The following AZIN1 variants were observed in gnomAD, a reference collection of about 807,000 sequenced individuals.
AZIN1 encodes the protein ornithine decarboxylase antizyme inhibitor.
In AZIN1, 12 loss-of-function variants were observed where a neutral mutation model predicts 47.4. The ratio of observed to expected loss-of-function variants is 0.25; its 90% CI spans 0.16 to 0.41. The LOEUF (loss-of-function observed/expected upper bound fraction) is 0.41. AZIN1 is among the 10% of genes least tolerant of loss of function. The pLI is 1.00. For synonymous variants in AZIN1, 155 were observed against 176.3 expected (o/e 0.88, Z 0.96); for missense variants, 410 against 532.4 (o/e 0.77, Z 2.26).
intron 2 of AZIN1, among the ~76,000 whole-genome samples, chr8:102,844,344 TA>T (rs34491786): frequency 0.47 from 67,011 of 144,082 alleles, 14,881 homozygotes; most frequent in Admixed American, 0.51. Context: ...CCGTCTCTCC[TA>T]AAAAAAAAAA....
chr8:102,832,979 T>C, intron 9 of AZIN1, 77 bp downstream of exon 9: 1 of 1,326,412 alleles, frequency 7.5e-7, no homozygotes, highest in South Asian at 1.3e-5. Context: ...ACCTACAACT[T>C]CATGACCATC....
intron 1 of AZIN1, among the ~76,000 whole-genome samples, chr8:102,862,210 C>T (rs1813717061): frequency 6.6e-6 from 1 of 152,126 alleles, no homozygotes. Flanking sequence ...TGGGTTTATA[C>T]TGATGTGAAT....
At chr8:102,841,459 A>G (rs1236990081) in intron 3 of AZIN1, among the ~76,000 whole-genome samples, 4 of 152,204 alleles carry the variant, frequency 2.6e-5, no homozygotes, top group Non-Finnish European at 5.9e-5. Flanking sequence ...AAGTCAGAAG[A>G]ATAAAGTTAA....
intron 2 of AZIN1, among the ~76,000 whole-genome samples, chr8:102,852,015 T>C (rs946913630): frequency 6.6e-6 from 1 of 152,236 alleles, no homozygotes; most frequent in Non-Finnish European, 1.5e-5. Flanking sequence ...CTTTTATTTA[T>C]CTGAAGGAGC....
chr8:102,831,635 C>T (rs1274128698), intron 9 of AZIN1, among the ~76,000 whole-genome samples: 2 of 81,338 alleles, frequency 2.5e-5, no homozygotes, highest in African/African-American at 1.1e-4. Flanking sequence ...AAGAGCAAAA[C>T]AGTCTCAAAA....
At position 102,831,854 on chromosome 8, in the gene AZIN1, T is replaced by C. The variant is rs117434728; in HGVS notation, c.904+1202A>G. On this transcript the variant is annotated intron_variant, in intron 9 of 11. Coordinates refer to ENST00000337198, the MANE Select transcript of AZIN1 (RefSeq NM_148174.4). ...CCTGTAGTCCCAGCTATGCAAGAGGTTGAAGGTAGGAGGACTGCTTAAGCC... is the reference window on the plus strand; with the variant it reads ...CCTGTAGTCCCAGCTATGCAAGAGGCTGAAGGTAGGAGGACTGCTTAAGCC... Among the ~76,000 whole-genome samples the C allele has an allele frequency of 5.7e-3, 856 of 151,154 alleles. 15 individuals carry two copies. In the East Asian group the frequency reaches 0.061, roughly 11 times the overall value.
chr8:102,829,632 C>T (rs74944128), intron 10 of AZIN1, 146 bp from the exon 11 acceptor site: 2 of 860,316 alleles, frequency 2.3e-6, no homozygotes, highest in Middle Eastern at 2.6e-4. Flanking sequence ...ACTTAAGCCT[C>T]GATGGTACCA....
chr8:102,844,142 C>T (rs1586180674), intron 2 of AZIN1, among the ~76,000 whole-genome samples: 1 of 152,088 alleles, frequency 6.6e-6, no homozygotes, highest in Non-Finnish European at 1.5e-5. Context: ...ATCAAAATAC[C>T]AGTCTCAACT....
chr8:102,838,082 G>A lies in AZIN1; in HGVS notation c.449+662C>T, dbSNP rs917164649. Among the ~76,000 whole-genome samples the A allele has an allele frequency of 1.8e-4, 28 of 152,076 alleles. 1 individual carries two copies. The highest frequency in any genetic ancestry group is 2.1e-4 in the South Asian group (1 of 4,820). ...CCAAGTAGCTGGGATTACAGGCGCA[G>A]GCCACCTTGACCTTAAATGATCCAC... On this transcript the variant is annotated intron_variant, in intron 5 of 11. Transcript: ENST00000337198.
chr8:102,844,141 C>A (rs964745466), intron 2 of AZIN1, among the ~76,000 whole-genome samples: 14 of 152,164 alleles, frequency 9.2e-5, no homozygotes, highest in Non-Finnish European at 1.6e-4. Context: ...AATCAAAATA[C>A]CAGTCTCAAC....
chr8:102,859,705 G>A (rs1237863184), intron 1 of AZIN1, among the ~76,000 whole-genome samples: 1 of 152,140 alleles, frequency 6.6e-6, no homozygotes, highest in Non-Finnish European at 1.5e-5. Context: ...GCATGGCGGT[G>A]CACACCTGTA....
chr8:102,852,670 T>C (rs968064176), intron 2 of AZIN1, among the ~76,000 whole-genome samples: 13 of 152,234 alleles, frequency 8.5e-5, no homozygotes, highest in African/African-American at 3.1e-4. Flanking sequence ...GGCTATGGCC[T>C]GGGCAGGTTG....
chr8:102,862,187 T>C (rs944802071), intron 1 of AZIN1, among the ~76,000 whole-genome samples: 1 of 152,198 alleles, frequency 6.6e-6, no homozygotes, highest in African/African-American at 2.4e-5. Flanking sequence ...TCAAATTGCA[T>C]ACTTAAGACT....
At chr8:102,832,502 A>G (rs1004047327) in intron 9 of AZIN1, among the ~76,000 whole-genome samples, 5 of 152,242 alleles carry the variant, frequency 3.3e-5, no homozygotes, top group African/African-American at 7.2e-5. Context: ...GGAGAACAGA[A>G]AAGATCACAA....
At chr8:102,856,099 T>TTTG (rs1554584026) in intron 2 of AZIN1, 2 of 150,874 alleles carry the variant, frequency 1.3e-5, no homozygotes, top group Non-Finnish European at 3.0e-5. Flanking sequence ...TTTTGTTTTT[T>TTTG]TTTTTTTTTC....
rs7004857 is a variant in AZIN1 at position 102,852,927 on chromosome 8, T to G, written c.-96+5086A>C. The stretch of plus-strand genomic sequence containing the variant: ...TTGGAAGAGTCTCCTTAGGCTTATC[T>G]GAACAATGGCCAGTTTAGAACAGTA... On this transcript the variant is annotated intron_variant, in intron 2 of 11. Transcript: ENST00000337198. Among the ~76,000 whole-genome samples the G allele has an allele frequency of 7.7e-4, 118 of 152,350 alleles. 1 individual carries two copies. The highest frequency in any genetic ancestry group is 2.7e-3 in the African/African-American group (114 of 41,596).
At chr8:102,836,218 A>T (rs745747690) in intron 6 of AZIN1, 38 bp downstream of exon 6, 5 of 1,591,154 alleles carry the variant, frequency 3.1e-6, no homozygotes, top group Non-Finnish European at 4.3e-6. Context: ...ACCACCATAA[A>T]ATGTTCACAG....
At chr8:102,848,453 A>G (rs1433183357) in intron 2 of AZIN1, among the ~76,000 whole-genome samples, 1 of 151,836 alleles carries the variant, frequency 6.6e-6, no homozygotes, top group East Asian at 1.9e-4. Context: ...TGGCCAGGCT[A>G]GTCTCTAATT....
At chr8:102,860,193 A>C (rs1461864647) in intron 1 of AZIN1, among the ~76,000 whole-genome samples, 1 of 152,248 alleles carries the variant, frequency 6.6e-6, no homozygotes, top group Non-Finnish European at 1.5e-5. Context: ...CAAATTCTCT[A>C]ACACCTTAGA....
Sources: gnomAD v4.1 joint callset for allele counts (sites outside exome capture counted in the v4.1 genomes callset) on GRCh38, gnomAD v4.1.1 for gene constraint, MANE v1.5 for transcripts, NCBI Gene and HGNC (gene_info 2026-07-23, HGNC 2026-07-21) for gene names.